The following GRIA4 variants were observed in gnomAD, a reference collection of about 807,000 sequenced individuals.
The protein encoded by GRIA4 is glutamate ionotropic receptor AMPA type subunit 4, also known as glutamate receptor 4.
In GRIA4, 34 loss-of-function variants were observed where a neutral mutation model predicts 104.0. That is an observed-to-expected ratio of 0.33 (90% confidence interval 0.25 to 0.44). The LOEUF (loss-of-function observed/expected upper bound fraction) is 0.44. Ranked by LOEUF, GRIA4 falls within the 20% of genes least tolerant of loss-of-function variation. The pLI is 1.00. For missense variants in GRIA4, 750 were observed against 1,096.5 expected (o/e 0.68, Z 4.46); for synonymous variants, 386 against 381.9 (o/e 1.01, Z -0.13).
intron 3 of GRIA4, among the ~76,000 whole-genome samples, chr11:105,662,868 C>T (rs931762415): frequency 2.0e-5 from 3 of 151,814 alleles, no homozygotes; most frequent in African/African-American, 7.2e-5. Context: ...AACAGAAGGG[C>T]CCTCTGTGTT....
intron 3 of GRIA4, among the ~76,000 whole-genome samples, chr11:105,675,069 G>A (rs1165744832): frequency 2.0e-5 from 3 of 151,774 alleles, no homozygotes; most frequent in Non-Finnish European, 4.4e-5. Context: ...ACAGGCAGAG[G>A]GTTCATCTTC....
At chr11:105,831,584 T>C (rs1247676084) in intron 4 of GRIA4, among the ~76,000 whole-genome samples, 2 of 152,036 alleles carry the variant, frequency 1.3e-5, no homozygotes, top group South Asian at 4.1e-4. Context: ...TATTCATACA[T>C]AACAATTCAT....
intron 4 of GRIA4, among the ~76,000 whole-genome samples, chr11:105,828,246 C>A (rs652043): frequency 6.6e-6 from 1 of 151,714 alleles, no homozygotes; most frequent in Non-Finnish European, 1.5e-5. Flanking sequence ...AGCCTCTGGG[C>A]GTTTGTAGAG....
chr11:105,749,618 A>G (rs1939877691), intron 3 of GRIA4, among the ~76,000 whole-genome samples: 1 of 152,216 alleles, frequency 6.6e-6, no homozygotes, highest in African/African-American at 2.4e-5. Context: ...ACAAATCCTC[A>G]CAAATTATAT....
chr11:105,859,832 C>G (rs967254502), intron 4 of GRIA4, among the ~76,000 whole-genome samples: 1 of 151,968 alleles, frequency 6.6e-6, no homozygotes, highest in African/African-American at 2.4e-5. Flanking sequence ...CATTTTAAGT[C>G]GAAGAACATG....
intron 3 of GRIA4, among the ~76,000 whole-genome samples, chr11:105,635,138 G>A (rs888317793): frequency 6.6e-6 from 1 of 152,008 alleles, no homozygotes; most frequent in Non-Finnish European, 1.5e-5. Context: ...AAATATAGTA[G>A]TCTTATATTT....
At chr11:105,650,176 A>G (rs1591501747) in intron 3 of GRIA4, among the ~76,000 whole-genome samples, 1 of 152,218 alleles carries the variant, frequency 6.6e-6, no homozygotes, top group East Asian at 1.9e-4. Context: ...AAATGTTTCA[A>G]AATTATAACT....
Position 105,980,032 on chromosome 11 carries a change from G to A in GRIA4, c.*293G>A, listed in dbSNP as rs1859195247. 3.5e-6 allele frequency: 1 copy of A among 288,290 alleles called. No homozygotes were observed. The highest frequency in any genetic ancestry group is 6.7e-6 in the Non-Finnish European group (1 of 150,154). The allele number at this position is 288,290 out of a possible 1,614,324, so 17.9% of individuals were successfully genotyped here. A position where few individuals can be genotyped will look rare whatever the true frequency, so the allele number is the denominator to read the frequency against. ...ATTAACAGCAACAAATTTCATTCGA[G>A]TGGACTCAAAAACTAATCAGACTTA... is the stretch of plus-strand genomic sequence containing the variant. On this transcript the variant is annotated 3_prime_UTR_variant, in exon 17 of 17. Transcript: ENST00000282499.
intron 4 of GRIA4, among the ~76,000 whole-genome samples, chr11:105,828,841 G>T (rs1053514634): frequency 1.8e-4 from 27 of 152,030 alleles, no homozygotes; most frequent in Middle Eastern, 3.4e-3. Context: ...ATTCCATGGG[G>T]TGTCCCAAGA....
intron 4 of GRIA4, among the ~76,000 whole-genome samples, chr11:105,852,364 G>A (rs1433781857): frequency 6.6e-6 from 1 of 152,088 alleles, no homozygotes; most frequent in Non-Finnish European, 1.5e-5. Context: ...GAATGAAGCT[G>A]ATTTTTATTT....
intron 3 of GRIA4, among the ~76,000 whole-genome samples, chr11:105,660,373 GAC>G (rs1208303395): frequency 1.2e-4 from 18 of 151,678 alleles, no homozygotes; most frequent in Admixed American, 9.2e-4. Flanking sequence ...TCCAATATCA[GAC>G]TAAGAATGAC....
intron 4 of GRIA4, among the ~76,000 whole-genome samples, chr11:105,820,627 T>C (rs1010815423): frequency 2.6e-5 from 4 of 151,834 alleles, no homozygotes; most frequent in African/African-American, 9.7e-5. Flanking sequence ...TTTCCATCTA[T>C]GTTGTCAGAA....
chr11:105,974,491 C>T (rs1286703805), intron 16 of GRIA4, 47 bp downstream of exon 16: 3 of 1,613,634 alleles, frequency 1.9e-6, no homozygotes, highest in East Asian at 2.2e-5. Context: ...TCGCAGAATA[C>T]CCAGAATTTA....
chr11:105,918,275 G>A (rs911064771), intron 10 of GRIA4, among the ~76,000 whole-genome samples: 1 of 152,116 alleles, frequency 6.6e-6, no homozygotes, highest in Non-Finnish European at 1.5e-5. Flanking sequence ...GTTGAATGTG[G>A]CTAAATAAGA....
chr11:105,785,566 C>T (rs1941924201), intron 4 of GRIA4, among the ~76,000 whole-genome samples: 1 of 152,080 alleles, frequency 6.6e-6, no homozygotes, highest in African/African-American at 2.4e-5. Flanking sequence ...GTTGATGTAC[C>T]TTAAACTTTT....
Position 105,748,166 on chromosome 11 carries a change from A to G in GRIA4, c.248-4815A>G, listed in dbSNP as rs1221818540. 3.9e-5 allele frequency among the ~76,000 whole-genome samples: 6 copies of G among 152,306 alleles called. No individual in the cohort carries two copies. In the East Asian group the frequency reaches 9.6e-4, roughly 24 times the overall value. On this transcript the variant is annotated intron_variant, in intron 3 of 16. Coordinates refer to ENST00000282499, the MANE Select transcript of GRIA4 (RefSeq NM_000829.4). ...ATACAGCATTGGCTGCGACAGTTTA[A>G]CCGAGGGCATTTTTAAGATTATTTA...
chr11:105,825,423 T>C (rs925181671), intron 4 of GRIA4, among the ~76,000 whole-genome samples: 10 of 152,078 alleles, frequency 6.6e-5, no homozygotes, highest in Admixed American at 5.2e-4. Flanking sequence ...CAGATGCTGC[T>C]GGGTTCAGGC....
chr11:105,924,433 C>CT lies in GRIA4; in HGVS notation c.1514dup (p.Leu505PhefsTer8). On this transcript the variant is annotated frameshift_variant, in exon 12 of 17. Coordinates refer to ENST00000282499, the MANE Select transcript of GRIA4 (RefSeq NM_000829.4). LOFTEE classifies it high-confidence loss of function. Reference sequence around the variant, plus strand: ...ATTGCTATTGCCCCTCTGACAATCACTTTGGTACGAGAGGAGGTCATTGAC... The same window carrying CT: ...ATTGCTATTGCCCCTCTGACAATCACTTTTGGTACGAGAGGAGGTCATTGAC... 6.2e-7 allele frequency: 1 copy of CT among 1,605,454 alleles called. No homozygotes were observed. Among genetic ancestry groups the CT allele is most frequent in the Non-Finnish European group, 8.5e-7 (1 of 1,173,562 alleles).
At chr11:105,674,860 G>C (rs1399520309) in intron 3 of GRIA4, among the ~76,000 whole-genome samples, 1 of 151,860 alleles carries the variant, frequency 6.6e-6, no homozygotes, top group East Asian at 1.9e-4. Context: ...CAAGCAAGAA[G>C]TTCAGTTGTC....
Sources: gnomAD v4.1 joint callset for allele counts (sites outside exome capture counted in the v4.1 genomes callset) on GRCh38, gnomAD v4.1.1 for gene constraint, MANE v1.5 for transcripts, NCBI Gene and HGNC (gene_info 2026-07-23, HGNC 2026-07-21) for gene names.